The following DISP1 variants were observed in gnomAD, a reference collection of about 807,000 sequenced individuals.
DISP1 encodes dispatched RND transporter family member 1.
In DISP1, 30 loss-of-function variants were observed where a neutral mutation model predicts 37.3. The observed-to-expected ratio is 0.80, with a 90% CI of 0.60 to 1.09. DISP1 has a LOEUF of 1.09. Among genes scored for constraint, DISP1 ranks in the 50% least tolerant of loss-of-function variants. The pLI, the probability that DISP1 is intolerant of heterozygous loss-of-function variation, is 0.00. For synonymous variants in DISP1, 634 were observed against 690.2 expected (o/e 0.92, Z 1.28); for missense variants, 1,598 against 1,879.5 (o/e 0.85, Z 2.77).
chr1:222,881,451 C>G (rs1391722268), intron 1 of DISP1, among the ~76,000 whole-genome samples: 1 of 152,200 alleles, frequency 6.6e-6, no homozygotes, highest in Non-Finnish European at 1.5e-5. Flanking sequence ...CCGCTTCGGC[C>G]TCCCAAAGTG....
chr1:222,924,931 C>G (rs909190042), intron 1 of DISP1, among the ~76,000 whole-genome samples: 2 of 152,082 alleles, frequency 1.3e-5, no homozygotes, highest in Admixed American at 1.3e-4. Flanking sequence ...CTCCCCCATG[C>G]CCTTGTCTTC....
At chr1:222,919,893 T>G (rs1344745709) in intron 1 of DISP1, among the ~76,000 whole-genome samples, 1 of 152,210 alleles carries the variant, frequency 6.6e-6, no homozygotes, top group African/African-American at 2.4e-5. Flanking sequence ...TTCATTTTCC[T>G]TTTTCCATAC....
At chr1:222,860,360 A>T (rs1008792078) in intron 1 of DISP1, among the ~76,000 whole-genome samples, 2 of 152,124 alleles carry the variant, frequency 1.3e-5, no homozygotes, top group African/African-American at 4.8e-5. Context: ...GGCCTCATTT[A>T]TTCTTTAAGT....
chr1:222,982,509 G>T (rs77730445), intron 3 of DISP1, among the ~76,000 whole-genome samples: 2,526 of 152,288 alleles, frequency 0.017, 63 homozygotes, highest in South Asian at 0.1. Flanking sequence ...TACAAAGGAT[G>T]AGTGGGAATA....
intron 1 of DISP1, among the ~76,000 whole-genome samples, chr1:222,915,691 A>C (rs762059640): frequency 6.6e-6 from 1 of 152,214 alleles, no homozygotes; most frequent in Non-Finnish European, 1.5e-5. Context: ...AGTATTAGGC[A>C]TGGTCGGTGA....
At chr1:222,898,262 T>G (rs183936808) in intron 1 of DISP1, among the ~76,000 whole-genome samples, 51 of 152,286 alleles carry the variant, frequency 3.3e-4, no homozygotes, top group African/African-American at 1.1e-3. Flanking sequence ...AATGTCTTTT[T>G]CAGAAGTGGT....
chr1:222,885,244 A>G (rs1473454925), intron 1 of DISP1, among the ~76,000 whole-genome samples: 4 of 152,126 alleles, frequency 2.6e-5, no homozygotes, highest in Non-Finnish European at 5.9e-5. Context: ...GGCCTCATGA[A>G]TATTTATTTT....
chr1:222,855,940 G>T (rs1005325711), intron 1 of DISP1, among the ~76,000 whole-genome samples: 1 of 150,338 alleles, frequency 6.7e-6, no homozygotes, highest in African/African-American at 2.4e-5. Context: ...CAAGAGGAGA[G>T]CTAAACTAAC....
At chr1:222,866,809 C>T (rs545738426) in intron 1 of DISP1, among the ~76,000 whole-genome samples, 1 of 152,188 alleles carries the variant, frequency 6.6e-6, no homozygotes, top group Non-Finnish European at 1.5e-5. Context: ...TGGCAAGCTT[C>T]TTTGTCACTT....
intron 1 of DISP1, among the ~76,000 whole-genome samples, chr1:222,899,227 G>A (rs1268266761): frequency 6.6e-6 from 1 of 152,140 alleles, no homozygotes; most frequent in Non-Finnish European, 1.5e-5. Context: ...ATTTCAGCCT[G>A]TTTGAATTTG....
At chr1:222,847,923 C>T (rs1367766982) in intron 1 of DISP1, among the ~76,000 whole-genome samples, 1 of 151,998 alleles carries the variant, frequency 6.6e-6, no homozygotes, top group African/African-American at 2.4e-5. Flanking sequence ...TTTTATGTCA[C>T]AAATAAAGGT....
At chr1:222,880,504 A>G (rs1407905136) in intron 1 of DISP1, among the ~76,000 whole-genome samples, 4 of 152,198 alleles carry the variant, frequency 2.6e-5, no homozygotes, top group Non-Finnish European at 4.4e-5. Flanking sequence ...TCAAAAAATA[A>G]AATAATGACA....
rs560116241 is a variant in DISP1 at position 222,990,049 on chromosome 1, G to T, written c.540-576G>T. 9.2e-5 allele frequency among the ~76,000 whole-genome samples: 14 copies of T among 152,182 alleles called. No homozygotes were observed. The South Asian group carries it at 1.0e-3, about 11-fold the overall frequency. On this transcript the variant is annotated intron_variant, in intron 4 of 8. Coordinates refer to ENST00000675850, the MANE Select transcript of DISP1 (RefSeq NM_001377229.1). ...GAACTCCTGACCTTGTGATCCACCCGCCTCAGCCTCCCAAAGTGCTGAGAT... is the reference window on the plus strand; with the variant it reads ...GAACTCCTGACCTTGTGATCCACCCTCCTCAGCCTCCCAAAGTGCTGAGAT...
At chr1:222,880,678 C>T (rs1425653321) in intron 1 of DISP1, among the ~76,000 whole-genome samples, 1 of 152,116 alleles carries the variant, frequency 6.6e-6, no homozygotes, top group East Asian at 1.9e-4. Flanking sequence ...AATGAATCAC[C>T]TAAGAATAAA....
chr1:222,984,857 G>GTT (rs1240754678), intron 4 of DISP1, among the ~76,000 whole-genome samples: 2 of 152,120 alleles, frequency 1.3e-5, no homozygotes, highest in Admixed American at 6.5e-5. Flanking sequence ...TTTGACTGCT[G>GTT]TAAGTACCTC....
intron 4 of DISP1, among the ~76,000 whole-genome samples, chr1:222,986,305 G>GC (rs1678271872): frequency 2.2e-5 from 2 of 89,910 alleles, no homozygotes; most frequent in Non-Finnish European, 5.8e-5. Flanking sequence ...AAAGAGCAAG[G>GC]GAAAAAAAAT....
At chr1:222,853,879 T>C (rs1371209815) in intron 1 of DISP1, among the ~76,000 whole-genome samples, 1 of 152,186 alleles carries the variant, frequency 6.6e-6, no homozygotes, top group Non-Finnish European at 1.5e-5. Context: ...TTCAAATAGC[T>C]AGAAGAAGGA....
intron 1 of DISP1, among the ~76,000 whole-genome samples, chr1:222,829,276 A>C (rs1010166052): frequency 5.3e-5 from 8 of 152,230 alleles, no homozygotes; most frequent in Admixed American, 5.2e-4. Flanking sequence ...TGTAAAGTTT[A>C]GGTAGCAGAT....
chr1:222,870,926 C>T (rs972677219), intron 1 of DISP1, among the ~76,000 whole-genome samples: 1 of 152,112 alleles, frequency 6.6e-6, no homozygotes, highest in Non-Finnish European at 1.5e-5. Context: ...GGTTTTAGGT[C>T]TTACATGTAA....
Sources: allele counts gnomAD v4.1 joint callset (sites outside exome capture counted in the v4.1 genomes callset), GRCh38; gene constraint gnomAD v4.1.1; transcripts MANE v1.5; gene names NCBI Gene and HGNC (gene_info 2026-07-23, HGNC 2026-07-21).